The following PPP6R1 variants were observed in gnomAD, a reference collection of about 807,000 sequenced individuals.
PPP6R1 encodes serine/threonine-protein phosphatase 6 regulatory subunit 1.
Under a neutral mutation model 104.6 loss-of-function variants are expected in PPP6R1, and 39 were observed. The ratio of observed to expected loss-of-function variants is 0.37; its 90% CI spans 0.29 to 0.49. The LOEUF (loss-of-function observed/expected upper bound fraction) is 0.49. Among genes scored for constraint, PPP6R1 ranks in the 20% least tolerant of loss-of-function variants. PPP6R1 has a pLI of 0.98. For synonymous variants in PPP6R1, 549 were observed against 479.0 expected (o/e 1.15, Z -1.91); for missense variants, 1,181 against 1,155.8 (o/e 1.02, Z -0.32).
rs983543144 is a variant in PPP6R1, at chr19:55,240,866, G to A, written c.1296+79C>T. 41 of 1,521,016 alleles carry A rather than the reference G, an allele frequency of 2.7e-5. No homozygotes were observed. The East Asian group carries it at 8.4e-4, about 31-fold the overall frequency. The allele number at this position is 1,521,016 out of a possible 1,614,324, so 94.2% of individuals were successfully genotyped here. On this transcript the variant is annotated intron_variant, in intron 10 of 23. Coordinates refer to ENST00000412770, the MANE Select transcript of PPP6R1 (RefSeq NM_014931.4). The stretch of plus-strand genomic sequence containing the variant: ...CAACAAACACTTGTGGGAGGAAGGA[G>A]TGAGGGGTAGGCCTCTGGAGAGGGT...
intron 1 of PPP6R1, among the ~76,000 whole-genome samples, chr19:55,248,558 C>T (rs980238545): frequency 6.6e-6 from 1 of 152,262 alleles, no homozygotes; most frequent in South Asian, 2.1e-4. Context: ...ACCATCACTC[C>T]CAGGCACAGA....
Position 55,239,637 on chromosome 19 carries a change from C to G in PPP6R1, c.1610G>C (p.Arg537Pro), listed in dbSNP as rs562988751. The G allele has an allele frequency of 2.5e-6, 4 of 1,612,258 alleles. No homozygotes were observed. Among genetic ancestry groups the G allele is most frequent in the Non-Finnish European group, 2.5e-6 (3 of 1,179,178 alleles). ...CTCAGGGAAGTTGAACTCCTTGAGC[C>G]GGTCGTCCTCATCGTCACTGGAGGA... Reference protein sequence around the residue: ...LHSSSDDEDDRLKEFNFPEEA... With the variant: ...LHSSSDDEDDPLKEFNFPEEA... Residue 537 changes from arginine to proline, a missense_variant, in exon 14 of 24, where the codon CGG becomes CCG. By Grantham distance (103) the Arg-to-Pro change is moderately radical. Transcript: ENST00000412770.
Position 55,241,454 on chromosome 19 carries a change from G to A in PPP6R1, c.1008+23C>T, listed in dbSNP as rs2087456768. The A allele has an allele frequency of 1.9e-6, 3 of 1,598,942 alleles. No individual in the cohort carries two copies. Among genetic ancestry groups the A allele is most frequent in the Middle Eastern group, 1.7e-4 (1 of 6,014 alleles). The stretch of plus-strand genomic sequence containing the variant: ...CTTCCTGCTTCCCCCGCCTCCCCGA[G>A]GACCAGAACCCACACCCCTGACCTT... On this transcript the variant is annotated intron_variant, in intron 8 of 23. Transcript: ENST00000412770. This position sits in a 1 kb window ranked among gnomAD's most constrained non-coding sequence, Gnocchi z 5.4.
chr19:55,231,540 T>TG lies in PPP6R1; in HGVS notation c.2378-50dup, dbSNP rs760911953. On this transcript the variant is annotated intron_variant, in intron 20 of 23. Transcript: ENST00000412770. ...CTGCAGCTCCCAGCAAGCTCGGAGC[T>TG]GGCCAGGCTGCTCTCTCTGCCCAGG... 6.6e-5 allele frequency: 106 copies of TG among 1,598,310 alleles called. No individual in the cohort carries two copies. In the South Asian group the frequency reaches 1.0e-3, roughly 16 times the overall value.
Position 55,231,507 on chromosome 19 carries a change from G to A in PPP6R1, c.2378-16C>T. 1.9e-6 allele frequency: 3 copies of A among 1,602,296 alleles called. No individual in the cohort carries two copies. The highest frequency in any genetic ancestry group is 2.6e-6 in the Non-Finnish European group (3 of 1,174,056). On this transcript the variant is annotated splice_polypyrimidine_tract_variant and intron_variant, in intron 20 of 23. Coordinates refer to ENST00000412770, the MANE Select transcript of PPP6R1 (RefSeq NM_014931.4). ...TGGCAAGGGGCTGTGGGGGATAAGA[G>A]ATCTCAGCTGCAGCTCCCAGCAAGC...
chr19:55,247,261 G>T, intron 1 of PPP6R1, 152 bp from the exon 2 acceptor site: 1 of 725,608 alleles, frequency 1.4e-6, no homozygotes, highest in Non-Finnish European at 2.3e-6. Flanking sequence ...GCCCCGCCCC[G>T]GGACTGCCCG....
At chr19:55,253,122 T>G (rs1042466122) in intron 1 of PPP6R1, among the ~76,000 whole-genome samples, 10 of 152,192 alleles carry the variant, frequency 6.6e-5, no homozygotes, top group African/African-American at 2.4e-4. Context: ...GGGGACGGGA[T>G]AGGAGCAGCA....
At position 55,230,358 on chromosome 19, in the gene PPP6R1, GT is replaced by G; in HGVS notation, c.*169del. The G allele has an allele frequency of 1.1e-6, 1 of 888,456 alleles. No homozygotes were observed. Among genetic ancestry groups the G allele is most frequent in the Non-Finnish European group, 1.7e-6 (1 of 583,840 alleles). 55.0% of individuals were successfully genotyped at this position (888,456 alleles called of 1,614,324 possible). A position where few individuals can be genotyped will look rare whatever the true frequency, so the allele number is the denominator to read the frequency against. The stretch of plus-strand genomic sequence containing the variant: ...ACTTCTCTTCTCAGTGCAAATGGGG[GT>G]GGGTTGGGCCTGTCTCCCTGGCACC... On this transcript the variant is annotated 3_prime_UTR_variant, in exon 24 of 24. Coordinates refer to ENST00000412770, the MANE Select transcript of PPP6R1 (RefSeq NM_014931.4).
At chr19:55,243,777 T>A (rs1416012178) in intron 5 of PPP6R1, among the ~76,000 whole-genome samples, 1 of 152,108 alleles carries the variant, frequency 6.6e-6, no homozygotes, top group East Asian at 1.9e-4. Context: ...CTCAGACTCT[T>A]GAGTAGCTAG....
chr19:55,253,466 G>A (rs930167861), intron 1 of PPP6R1, among the ~76,000 whole-genome samples: 2 of 152,162 alleles, frequency 1.3e-5, no homozygotes, highest in Non-Finnish European at 2.9e-5. Context: ...CCTCCAAACC[G>A]AGCTCCCCAG....
chr19:55,254,800 G>A (rs1237461645), intron 1 of PPP6R1, among the ~76,000 whole-genome samples: 2 of 152,204 alleles, frequency 1.3e-5, no homozygotes, highest in East Asian at 3.9e-4. Flanking sequence ...AGGACAGCAA[G>A]ACCATCTCCC....
intron 1 of PPP6R1, among the ~76,000 whole-genome samples, chr19:55,252,396 A>AT (rs1179232184): frequency 0.039 from 2,741 of 70,518 alleles, 107 homozygotes; most frequent in African/African-American, 0.093. Context: ...TTCTTGGCTG[A>AT]TTTTTTTTTT....
Position 55,230,303 on chromosome 19 carries a change from T to A in PPP6R1, c.*225A>T. ...TCCATTCTCTCTATTTGACTCTCTGTATCTTTATTCTAGGAGGCAACGCTC... is the reference window on the plus strand; with the variant it reads ...TCCATTCTCTCTATTTGACTCTCTGAATCTTTATTCTAGGAGGCAACGCTC... On this transcript the variant is annotated 3_prime_UTR_variant, in exon 24 of 24. Coordinates refer to ENST00000412770, the MANE Select transcript of PPP6R1 (RefSeq NM_014931.4). 1 of 603,234 alleles carries A rather than the reference T, an allele frequency of 1.7e-6. No individual in the cohort carries two copies. Among genetic ancestry groups the A allele is most frequent in the South Asian group, 2.0e-5 (1 of 50,424 alleles). 37.4% of individuals were successfully genotyped at this position (603,234 alleles called of 1,614,324 possible). A position where few individuals can be genotyped will look rare whatever the true frequency, so the allele number is the denominator to read the frequency against.
rs2122598200 is a variant in PPP6R1, at chr19:55,239,713, C to T, written c.1564-30G>A. On this transcript the variant is annotated intron_variant, in intron 13 of 23. Coordinates refer to ENST00000412770, the MANE Select transcript of PPP6R1 (RefSeq NM_014931.4). ...GGAGAGGAGGGGGCGTCAGGGCCTGCTGGAGCCCCCAGACCAGGGTGGGCA... is the reference window on the plus strand; with the variant it reads ...GGAGAGGAGGGGGCGTCAGGGCCTGTTGGAGCCCCCAGACCAGGGTGGGCA... 1.9e-6 allele frequency: 3 copies of T among 1,594,680 alleles called. No homozygotes were observed. In the East Asian group the frequency reaches 6.7e-5, roughly 36 times the overall value.
rs1249857250 is a variant in PPP6R1, at chr19:55,239,845, T to C, written c.1544A>G (p.Lys515Arg). 6.2e-7 allele frequency: 1 copy of C among 1,613,790 alleles called. No homozygotes were observed. The highest frequency in any genetic ancestry group is 1.3e-5 in the African/African-American group (1 of 74,920). ...CCTCACCAGGTCCACCATGTTCTTCTTGTTGGTCTCCGCCAGGGGCCCCGA... is the reference window on the plus strand; with the variant it reads ...CCTCACCAGGTCCACCATGTTCTTCCTGTTGGTCTCCGCCAGGGGCCCCGA... ...FVSGPLAETN[K>R]KNMVDLVNTH... The change falls in exon 13 of 24, where the codon AAG becomes AGG. Residue 515 changes from lysine to arginine, a missense_variant. Coordinates refer to ENST00000412770, the MANE Select transcript of PPP6R1 (RefSeq NM_014931.4).
Position 55,239,668 on chromosome 19 carries a change from G to C in PPP6R1, c.1579C>G (p.Leu527Val), listed in dbSNP as rs1472082704. The change falls in exon 14 of 24, where the codon CTA becomes GTA. Residue 527 changes from leucine to valine, a missense_variant. Leu to Val is a conservative substitution (Grantham distance 32). This residue lies in a region of PPP6R1 where 1,042 missense variants were observed against 955.6 expected (regional missense o/e 1.09). Coordinates refer to ENST00000412770, the MANE Select transcript of PPP6R1 (RefSeq NM_014931.4). ...NMVDLVNTHHLHSSSDDEDDR... is the reference protein window; with the variant it reads ...NMVDLVNTHHVHSSSDDEDDR... ...TCCTCATCGTCACTGGAGGAGTGTA[G>C]GTGGTGGGTGTTCACCTGGGGAGAG... 1.9e-6 allele frequency: 3 copies of C among 1,611,414 alleles called. No individual in the cohort carries two copies. The highest frequency in any genetic ancestry group is 2.5e-6 in the Non-Finnish European group (3 of 1,178,774).
At chr19:55,234,571 G>A (rs972730224) in intron 17 of PPP6R1, among the ~76,000 whole-genome samples, 84 of 152,284 alleles carry the variant, frequency 5.5e-4, no homozygotes, top group African/African-American at 1.9e-3. Context: ...AAAAGAGAGG[G>A]CTAAGTCAAG....
chr19:55,240,514 T>TACACACACACACACAAAC (rs2087443406), intron 10 of PPP6R1, among the ~76,000 whole-genome samples: 1 of 135,932 alleles, frequency 7.4e-6, no homozygotes, highest in Non-Finnish European at 1.6e-5. Context: ...ATGTGGTGCA[T>TACACACACACACACAAAC]ACACACACAC....
At position 55,232,431 on chromosome 19, in the gene PPP6R1, G is replaced by C. The variant is rs2087358222; in HGVS notation, c.1989-220C>G. ...CACAGGCGGGCAGGGACAGAATGCGGCCGTAAGGAGACCGTCCGTCGCCAG... is the reference window on the plus strand; with the variant it reads ...CACAGGCGGGCAGGGACAGAATGCGCCCGTAAGGAGACCGTCCGTCGCCAG... On this transcript the variant is annotated intron_variant, in intron 17 of 23. Coordinates refer to ENST00000412770, the MANE Select transcript of PPP6R1 (RefSeq NM_014931.4). 5.0e-6 allele frequency: 3 copies of C among 601,844 alleles called. No homozygotes were observed. The South Asian group carries it at 8.1e-5, about 16-fold the overall frequency. The allele number at this position is 601,844 out of a possible 1,614,324, so 37.3% of individuals were successfully genotyped here.
Sources: allele counts gnomAD v4.1 joint callset (sites outside exome capture counted in the v4.1 genomes callset), GRCh38; gene constraint gnomAD v4.1.1; regional missense constraint gnomAD v4.1.1; non-coding constraint Gnocchi (gnomAD v3.1); transcripts MANE v1.5; gene names NCBI Gene and HGNC (gene_info 2026-07-23, HGNC 2026-07-21).